TTYH2: variants seen among roughly 807,000 people sequenced by gnomAD.
TTYH2 encodes tweety family member 2.
In TTYH2, 49 loss-of-function variants were observed where a neutral mutation model predicts 68.3. The observed-to-expected ratio is 0.72, with a 90% CI of 0.57 to 0.91. TTYH2 has a LOEUF of 0.91. Among genes scored for constraint, TTYH2 ranks in the 40% least tolerant of loss-of-function variants. The probability of loss-of-function intolerance (pLI) is 0.00; values close to 1 mark genes in which losing one functional copy is unlikely to be tolerated. For missense variants in TTYH2, 631 were observed against 700.4 expected (o/e 0.90, Z 1.12); for synonymous variants, 272 against 300.8 (o/e 0.90, Z 0.99).
chr17:74,237,621 A>ATT, intron 4 of TTYH2, 107 bp downstream of exon 4: 6 of 898,974 alleles, frequency 6.7e-6, no homozygotes, highest in African/African-American at 3.5e-5. Context: ...ACTGGAAAGT[A>ATT]TTTTTTTTTT....
At chr17:74,233,470 C>T in intron 3 of TTYH2, among the ~76,000 whole-genome samples, 1 of 152,208 alleles carries the variant, frequency 6.6e-6, no homozygotes, top group Non-Finnish European at 1.5e-5. Flanking sequence ...TTACTGTAAT[C>T]ACCTTGGGGT....
chr17:74,247,140 C>A (rs986526552), intron 6 of TTYH2, among the ~76,000 whole-genome samples: 1 of 149,928 alleles, frequency 6.7e-6, no homozygotes, highest in African/African-American at 2.5e-5. Flanking sequence ...CAAGATCACG[C>A]CACTGCACTC....
chr17:74,220,790 CT>C (rs370305887), intron 1 of TTYH2, among the ~76,000 whole-genome samples: 3,556 of 145,750 alleles, frequency 0.024, 57 homozygotes, highest in Middle Eastern at 0.055. Flanking sequence ...CCAGCTGCCA[CT>C]TTTTTTTTTT....
In TTYH2 at chr17:74,234,187, T is replaced by C. The variant is rs186271796; in HGVS notation, c.415-3107T>C. Among the ~76,000 whole-genome samples the C allele has an allele frequency of 4.6e-5, 7 of 152,204 alleles. No individual in the cohort carries two copies. In the East Asian group the frequency reaches 1.4e-3, roughly 29 times the overall value. ...CGGTCCTGGGGCAGGGCTGAGAGCTTTTGCTTTTGTGAGTGAGTTCCCAGG... is the reference window on the plus strand; with the variant it reads ...CGGTCCTGGGGCAGGGCTGAGAGCTCTTGCTTTTGTGAGTGAGTTCCCAGG... On this transcript the variant is annotated intron_variant, in intron 3 of 13. Transcript: ENST00000269346.
At chr17:74,259,031 C>A (rs1352369688) in intron 13 of TTYH2, among the ~76,000 whole-genome samples, 1 of 145,138 alleles carries the variant, frequency 6.9e-6, no homozygotes, top group African/African-American at 2.8e-5. Flanking sequence ...CCCCAGGTAG[C>A]CTGTGTGCAG....
chr17:74,227,842 T>G (rs1485202098), intron 2 of TTYH2, among the ~76,000 whole-genome samples: 1 of 151,552 alleles, frequency 6.6e-6, no homozygotes, highest in Non-Finnish European at 1.5e-5. Flanking sequence ...CAGACCACAC[T>G]GATGGAATGG....
chr17:74,255,970 C>T (rs1180086012), intron 13 of TTYH2, among the ~76,000 whole-genome samples: 1 of 152,164 alleles, frequency 6.6e-6, no homozygotes, highest in Non-Finnish European at 1.5e-5. Context: ...CCAGGAAGTG[C>T]ACGCACAGGC....
intron 11 of TTYH2, among the ~76,000 whole-genome samples, chr17:74,252,845 G>A (rs2050648847): frequency 6.6e-6 from 1 of 152,206 alleles, no homozygotes; most frequent in Non-Finnish European, 1.5e-5. Flanking sequence ...GGGTAGTGGG[G>A]ACCCACATGC....
At chr17:74,223,405 C>A (rs768277031) in intron 2 of TTYH2, among the ~76,000 whole-genome samples, 3 of 152,108 alleles carry the variant, frequency 2.0e-5, no homozygotes, top group Non-Finnish European at 4.4e-5. Context: ...GGATTACAGG[C>A]GTGAGGCACT....
intron 13 of TTYH2, among the ~76,000 whole-genome samples, chr17:74,258,314 G>A (rs1357431422): frequency 6.6e-6 from 1 of 151,828 alleles, no homozygotes; most frequent in African/African-American, 2.4e-5. Context: ...TGCCCAGGCT[G>A]GAGTGCAGTG....
intron 1 of TTYH2, among the ~76,000 whole-genome samples, chr17:74,221,930 G>T (rs996978102): frequency 6.6e-6 from 1 of 152,212 alleles, no homozygotes; most frequent in Non-Finnish European, 1.5e-5. Context: ...TCACATTCTG[G>T]TAGAGGATGA....
Position 74,213,663 on chromosome 17 carries a change from C to A in TTYH2, c.76C>A (p.Arg26Ser). ...GCACAGCGTCCCGCACGTCGGCCTG[C>A]GCCTGCAGCCCGTGAACAGCACCTT... ...WLHSVPHVGLRLQPVNSTFSP... is the reference protein window; with the variant it reads ...WLHSVPHVGLSLQPVNSTFSP... The change falls in exon 1 of 14, where the codon CGC becomes AGC. Residue 26 changes from arginine to serine, a missense_variant. Physicochemically the swap from Arg to Ser is moderately radical, Grantham distance 110. Coordinates refer to ENST00000269346, the MANE Select transcript of TTYH2 (RefSeq NM_032646.6). The surrounding 1 kb of genome is among the most constrained non-coding windows in gnomAD (Gnocchi z 6.1). 1 of 1,612,572 alleles carries A rather than the reference C, an allele frequency of 6.2e-7. No homozygotes were observed. Among genetic ancestry groups the A allele is most frequent in the East Asian group, 2.2e-5 (1 of 44,808 alleles).
intron 13 of TTYH2, among the ~76,000 whole-genome samples, chr17:74,255,366 G>A (rs763945221): frequency 8.5e-5 from 13 of 152,368 alleles, no homozygotes; most frequent in Non-Finnish European, 4.4e-5. Flanking sequence ...AGTGAGTGCC[G>A]TAGGACAGTG....
chr17:74,253,889 T>C, intron 13 of TTYH2, 56 bp downstream of exon 13: 1 of 1,556,534 alleles, frequency 6.4e-7, no homozygotes, highest in Admixed American at 1.7e-5. Flanking sequence ...CAAAACCTCC[T>C]GCCAACCCAG....
chr17:74,233,801 G>A (rs562070476), intron 3 of TTYH2, among the ~76,000 whole-genome samples: 13 of 152,208 alleles, frequency 8.5e-5, no homozygotes, highest in African/African-American at 2.6e-4. Flanking sequence ...GAGAGGAGTC[G>A]TTTTGGGATA....
chr17:74,216,710 A>G (rs756686589), intron 1 of TTYH2, among the ~76,000 whole-genome samples: 13 of 152,236 alleles, frequency 8.5e-5, no homozygotes, highest in Admixed American at 2.6e-4. Flanking sequence ...GTGAGCACCA[A>G]GGCAGGGCTG....
At chr17:74,216,772 G>A (rs1048069817) in intron 1 of TTYH2, among the ~76,000 whole-genome samples, 1 of 152,252 alleles carries the variant, frequency 6.6e-6, no homozygotes, top group Admixed American at 6.5e-5. Flanking sequence ...GCTGCCAGAT[G>A]TGGCTGTATG....
At chr17:74,235,485 G>A (rs1261869437) in intron 3 of TTYH2, among the ~76,000 whole-genome samples, 1 of 152,222 alleles carries the variant, frequency 6.6e-6, no homozygotes, top group African/African-American at 2.4e-5. Flanking sequence ...CTGCACCCCG[G>A]GGTTCTGCAG....
chr17:74,253,708 C>T (rs188818000), intron 12 of TTYH2, 47 bp from the exon 13 acceptor site: 3 of 1,589,488 alleles, frequency 1.9e-6, no homozygotes, highest in African/African-American at 1.3e-5. Context: ...TACACACACC[C>T]CCACTCCCAC....
Sources: gnomAD v4.1 joint callset for allele counts (sites outside exome capture counted in the v4.1 genomes callset) on GRCh38, gnomAD v4.1.1 for gene constraint, Gnocchi (gnomAD v3.1) non-coding constraint, MANE v1.5 for transcripts, NCBI Gene and HGNC (gene_info 2026-07-23, HGNC 2026-07-21) for gene names.